TRIM4: variants seen among roughly 807,000 people sequenced by gnomAD.
TRIM4 encodes the protein E3 ubiquitin-protein ligase TRIM4.
A neutral mutation model predicts 33.7 loss-of-function variants in TRIM4; 29 were observed. The observed-to-expected ratio is 0.86, with a 90% CI of 0.64 to 1.17. The LOEUF is 1.17. TRIM4 is among the 50% of genes most tolerant of loss of function. The pLI is 0.00. For missense variants in TRIM4, 554 were observed against 593.7 expected (o/e 0.93, Z 0.69); for synonymous variants, 224 against 233.0 (o/e 0.96, Z 0.35).
chr7:99,892,138 A>G lies in TRIM4; in HGVS notation c.*25T>C, dbSNP rs554139347. The G allele has an allele frequency of 5.7e-6, 9 of 1,569,652 alleles. No homozygotes were observed. Among genetic ancestry groups the G allele is most frequent in the Non-Finnish European group, 7.8e-6 (9 of 1,158,596 alleles). The stretch of plus-strand genomic sequence containing the variant: ...TCCCTCAGCTGGACTACAGGGAAGG[A>G]GTTTTGGTCAGGGGAAGAAAAGCCT... On this transcript the variant is annotated 3_prime_UTR_variant, in exon 6 of 6. Transcript: ENST00000349062.
chr7:99,918,948 A>C, intron 1 of TRIM4, 61 bp downstream of exon 1: 2 of 1,518,558 alleles, frequency 1.3e-6, no homozygotes, highest in Non-Finnish European at 1.8e-6. Flanking sequence ...TAGGAGCATT[A>C]AGTAAACTTT....
Position 99,908,699 on chromosome 7 carries a change from C to A in TRIM4, c.603G>T (p.Glu201Asp). 5 of 1,614,152 alleles carry A rather than the reference C, an allele frequency of 3.1e-6. No individual in the cohort carries two copies. The highest frequency in any genetic ancestry group is 3.4e-6 in the Non-Finnish European group (4 of 1,180,032). ...FLQRLNKEEE[E>D]TKKKLNENTL... ...TGTTCTCATTCAGCTTCTTCTTCGT[C>A]TCTTCTTCTTCTTTGTTCAATCTCT... is the stretch of plus-strand genomic sequence containing the variant. The change falls in exon 3 of 6, where the codon GAG (glutamate) becomes GAT (aspartate). Residue 201 changes from glutamate (E) to aspartate (D), a missense_variant. Around this residue, in one of 3 missense-constraint regions of TRIM4, gnomAD observed 290 missense variants for 335.8 expected, o/e 0.86. Transcript: ENST00000349062.
At chr7:99,897,587 A>G (rs1421556092) in intron 5 of TRIM4, among the ~76,000 whole-genome samples, 1 of 152,182 alleles carries the variant, frequency 6.6e-6, no homozygotes, top group Non-Finnish European at 1.5e-5. Flanking sequence ...AAAAGAACAA[A>G]AGATTTCTCA....
At chr7:99,916,795 C>A (rs376124922) in intron 1 of TRIM4, 5 of 779,886 alleles carry the variant, frequency 6.4e-6, no homozygotes, top group Admixed American at 3.4e-5. Context: ...ACAAAAAAAA[C>A]GATCATATCA....
intron 1 of TRIM4, 72 bp from the exon 2 acceptor site, chr7:99,909,732 T>TTG: frequency 2.9e-6 from 2 of 679,278 alleles, no homozygotes; most frequent in East Asian, 3.9e-5. Flanking sequence ...TCTTTTTGTT[T>TTG]TTTTTTTTTT....
chr7:99,893,818 C>T (rs776861402), intron 5 of TRIM4, among the ~76,000 whole-genome samples: 1 of 152,028 alleles, frequency 6.6e-6, no homozygotes, highest in Non-Finnish European at 1.5e-5. Context: ...TTAATAATGT[C>T]CTCCCTGGCC....
chr7:99,916,701 C>A, intron 1 of TRIM4: 1 of 781,012 alleles, frequency 1.3e-6, no homozygotes, highest in East Asian at 2.4e-5. Flanking sequence ...GTCTTTATTA[C>A]CTCCTGCTTA....
chr7:99,896,683 G>A (rs1436859517), intron 5 of TRIM4, among the ~76,000 whole-genome samples: 2 of 152,354 alleles, frequency 1.3e-5, no homozygotes, highest in East Asian at 3.9e-4. Flanking sequence ...CCAAGACAAT[G>A]GGATCAGGGG....
chr7:99,902,694 T>C (rs927508885), intron 5 of TRIM4, among the ~76,000 whole-genome samples: 20 of 152,088 alleles, frequency 1.3e-4, no homozygotes, highest in African/African-American at 4.3e-4. Context: ...AACCTCTACC[T>C]TTCCTCAAAA....
Position 99,919,216 on chromosome 7 carries a change from T to A in TRIM4, c.186A>T (p.Arg62=). 3 of 1,515,642 alleles carry A rather than the reference T, an allele frequency of 2.0e-6. No individual in the cohort carries two copies. The highest frequency in any genetic ancestry group is 2.6e-6 in the Non-Finnish European group (3 of 1,132,668). The allele number at this position is 1,515,642 out of a possible 1,614,324, so 93.9% of individuals were successfully genotyped here. The stretch of plus-strand genomic sequence containing the variant: ...TCAGCCTGGCCAGGGCCCAGTTGGG[T>A]CGCAGCGCGGCGGGCGCCGATGGGT... ...CRHPSAPAAL[R]PNWALARLTE... The change falls in exon 1 of 6, where the codon CGA becomes CGT. Residue 62 remains arginine, a synonymous_variant. Transcript: ENST00000349062.
chr7:99,892,323 A>T lies in TRIM4; in HGVS notation c.1265T>A (p.Val422Asp), dbSNP rs1584257872. 6.2e-7 allele frequency: 1 copy of T among 1,613,952 alleles called. No homozygotes were observed. Among genetic ancestry groups the T allele is most frequent in the African/African-American group, 1.3e-5 (1 of 74,954 alleles). ...ATTCCCAGTCCCACGATCCAGGTAA[A>T]CCCCCACTCGGTGGAGAGCTGGCTC... ...QQEPALHRVG[V>D]YLDRGTGNVS... is the part of the protein sequence containing the mutation. The change falls in exon 6 of 6, where the codon GTT (valine) becomes GAT (aspartate). Residue 422 changes from valine to aspartate, a missense_variant. Physicochemically the swap from Val to Asp is radical, Grantham distance 152. Around this residue, in one of 3 missense-constraint regions of TRIM4, gnomAD observed 290 missense variants for 335.8 expected, o/e 0.86. Coordinates refer to ENST00000349062, the MANE Select transcript of TRIM4 (RefSeq NM_033091.3).
chr7:99,918,384 T>C (rs933795433), intron 1 of TRIM4, among the ~76,000 whole-genome samples: 5 of 152,114 alleles, frequency 3.3e-5, no homozygotes, highest in African/African-American at 1.2e-4. Context: ...CTGGCCAAGA[T>C]GGTGAAACCC....
At chr7:99,901,861 G>A (rs952613753) in intron 5 of TRIM4, 17 of 499,682 alleles carry the variant, frequency 3.4e-5, no homozygotes, top group African/African-American at 3.1e-4. Flanking sequence ...CATAGATGGC[G>A]AGGGTTCTCT....
intron 5 of TRIM4, among the ~76,000 whole-genome samples, chr7:99,897,251 C>T (rs892814337): frequency 4.6e-5 from 7 of 152,174 alleles, no homozygotes; most frequent in Non-Finnish European, 5.9e-5. Flanking sequence ...AGACCAACCA[C>T]ACCCACAGAG....
rs1819643898 is a variant in TRIM4, at chr7:99,919,492, C to T, written c.-91G>A. On this transcript the variant is annotated 5_prime_UTR_variant, in exon 1 of 6. Coordinates refer to ENST00000349062, the MANE Select transcript of TRIM4 (RefSeq NM_033091.3). Reference sequence around the variant, plus strand: ...GGCCGCGGGGAGGCCAGACGACTTCCGAACCGCCGTCACCGCCTCACGTAA... The same window carrying T: ...GGCCGCGGGGAGGCCAGACGACTTCTGAACCGCCGTCACCGCCTCACGTAA... 1 of 1,350,514 alleles carries T rather than the reference C, an allele frequency of 7.4e-7. No homozygotes were observed. Among genetic ancestry groups the T allele is most frequent in the Non-Finnish European group, 9.7e-7 (1 of 1,030,744 alleles). The allele number at this position is 1,350,514 out of a possible 1,614,324, so 83.7% of individuals were successfully genotyped here.
chr7:99,908,821 A>G lies in TRIM4; in HGVS notation c.490-9T>C, dbSNP rs762296876. On this transcript the variant is annotated splice_polypyrimidine_tract_variant and intron_variant, in intron 2 of 5. Transcript: ENST00000349062. ...TGACTCTTTATCTTATCCTAAGGCC[A>G]CATGAGATTTGCTCACTCCTTTTTC... 1.9e-6 allele frequency: 3 copies of G among 1,610,268 alleles called. No homozygotes were observed. In the South Asian group the frequency reaches 3.3e-5, roughly 18 times the overall value.
intron 3 of TRIM4, among the ~76,000 whole-genome samples, chr7:99,907,677 T>C (rs1284662904): frequency 1.3e-5 from 2 of 152,232 alleles, no homozygotes; most frequent in Non-Finnish European, 2.9e-5. Context: ...TTAGGTTATA[T>C]CTATCATATA....
At chr7:99,911,046 G>A (rs749901961) in intron 1 of TRIM4, among the ~76,000 whole-genome samples, 1 of 152,164 alleles carries the variant, frequency 6.6e-6, no homozygotes, top group South Asian at 2.1e-4. Flanking sequence ...TGGGAGGAAG[G>A]AAAATAAATT....
intron 2 of TRIM4, 61 bp downstream of exon 2, chr7:99,909,504 G>A: frequency 6.7e-7 from 1 of 1,485,576 alleles, no homozygotes; most frequent in South Asian, 1.2e-5. Context: ...TCAGAAGCAA[G>A]AAATGTCCCA....
Sources: gnomAD v4.1 joint callset for allele counts (sites outside exome capture counted in the v4.1 genomes callset) on GRCh38, gnomAD v4.1.1 for gene constraint, gnomAD v4.1.1 regional missense constraint, MANE v1.5 for transcripts, NCBI Gene and HGNC (gene_info 2026-07-23, HGNC 2026-07-21) for gene names.